The following RALGPS1 variants were observed in gnomAD, a reference collection of about 807,000 sequenced individuals.
RALGPS1 encodes ras-specific guanine nucleotide-releasing factor RalGPS1.
In RALGPS1, 19 loss-of-function variants were observed where a neutral mutation model predicts 78.8. The observed-to-expected ratio is 0.24, with a 90% CI of 0.17 to 0.35. The LOEUF is 0.35. Ranked by LOEUF, RALGPS1 falls within the 10% of genes least tolerant of loss-of-function variation. The probability of loss-of-function intolerance (pLI) is 1.00; values close to 1 mark genes in which losing one functional copy is unlikely to be tolerated. For synonymous variants in RALGPS1, 228 were observed against 256.3 expected (o/e 0.89, Z 1.06); for missense variants, 454 against 688.3 (o/e 0.66, Z 3.81).
chr9:127,153,233 A>AG (rs566705311), intron 8 of RALGPS1, among the ~76,000 whole-genome samples: 189 of 152,296 alleles, frequency 1.2e-3, no homozygotes, highest in Admixed American at 1.9e-3. Flanking sequence ...TAGCCAGGGC[A>AG]GGGGGAGAGC....
chr9:127,088,628 A>G (rs2052058916), intron 8 of RALGPS1: 1 of 415,530 alleles, frequency 2.4e-6, no homozygotes. Context: ...ACACATGTAT[A>G]TTATGAAGGT....
At chr9:127,115,548 G>A (rs1028368328) in intron 8 of RALGPS1, among the ~76,000 whole-genome samples, 3 of 152,192 alleles carry the variant, frequency 2.0e-5, no homozygotes, top group African/African-American at 4.8e-5. Flanking sequence ...AGGTTAGGTC[G>A]CTTGTTCAAG....
chr9:127,170,574 C>T (rs1458643854), intron 10 of RALGPS1, among the ~76,000 whole-genome samples: 1 of 152,088 alleles, frequency 6.6e-6, no homozygotes, highest in Non-Finnish European at 1.5e-5. Flanking sequence ...AAAAGAGTGC[C>T]CTGGAGTACA....
At chr9:127,123,709 A>G (rs180960563) in intron 8 of RALGPS1, among the ~76,000 whole-genome samples, 1 of 152,270 alleles carries the variant, frequency 6.6e-6, no homozygotes, top group East Asian at 1.9e-4. Context: ...AAGAAAGGAG[A>G]GGATGGCACT....
chr9:126,946,850 A>G (rs1366197182), intron 1 of RALGPS1, among the ~76,000 whole-genome samples: 2 of 152,006 alleles, frequency 1.3e-5, no homozygotes, highest in Non-Finnish European at 1.5e-5. Context: ...TCCTTTCCCT[A>G]TGGAAGAAAT....
At chr9:127,031,355 C>T (rs928734920) in intron 4 of RALGPS1, among the ~76,000 whole-genome samples, 3 of 152,224 alleles carry the variant, frequency 2.0e-5, no homozygotes, top group Non-Finnish European at 4.4e-5. Flanking sequence ...TGCGCCAAAG[C>T]GGTCAGGCCC....
chr9:126,949,754 T>G (rs1396139402), intron 1 of RALGPS1, among the ~76,000 whole-genome samples: 14 of 151,770 alleles, frequency 9.2e-5, no homozygotes, highest in Admixed American at 3.9e-4. Context: ...TTTCTCCCAT[T>G]TTGTAGGTTG....
intron 8 of RALGPS1, among the ~76,000 whole-genome samples, chr9:127,086,208 A>G (rs2051718303): frequency 6.6e-6 from 1 of 152,228 alleles, no homozygotes; most frequent in Non-Finnish European, 1.5e-5. Flanking sequence ...TTTACTAGAA[A>G]AAGCTATCAT....
chr9:127,144,414 C>T (rs1267095734), intron 8 of RALGPS1, among the ~76,000 whole-genome samples: 1 of 152,180 alleles, frequency 6.6e-6, no homozygotes, highest in African/African-American at 2.4e-5. Context: ...AAGTATTTAT[C>T]TTAATGTGAT....
chr9:127,107,770 C>T (rs2054361180), intron 8 of RALGPS1: 2 of 782,578 alleles, frequency 2.6e-6, no homozygotes, highest in South Asian at 3.1e-5. Context: ...TCCAGCAGCT[C>T]AGCCCAAGGG....
Position 127,195,308 on chromosome 9 carries a change from C to G in RALGPS1, c.1037+91C>G. ...GCAGGGAATCACTTGCTGGCTGGGT[C>G]CCTCCCCTGCCCTGTTCTGGGAGTT... is the stretch of plus-strand genomic sequence containing the variant. On this transcript the variant is annotated intron_variant, in intron 12 of 18. Coordinates refer to ENST00000259351, the MANE Select transcript of RALGPS1 (RefSeq NM_014636.3). 3 of 1,476,556 alleles carry G rather than the reference C, an allele frequency of 2.0e-6. No homozygotes were observed. The South Asian group carries it at 3.7e-5, about 18-fold the overall frequency. The allele number at this position is 1,476,556 out of a possible 1,614,324, so 91.5% of individuals were successfully genotyped here.
chr9:127,207,002 A>G (rs1398845186), intron 14 of RALGPS1, among the ~76,000 whole-genome samples: 1 of 152,122 alleles, frequency 6.6e-6, no homozygotes, highest in Non-Finnish European at 1.5e-5. Context: ...GGTGGGGATA[A>G]TAATAGTGCC....
chr9:127,146,985 C>T (rs2058132352), intron 8 of RALGPS1, among the ~76,000 whole-genome samples: 1 of 152,218 alleles, frequency 6.6e-6, no homozygotes, highest in Admixed American at 6.5e-5. Context: ...GACTAATTTA[C>T]ATTCCCACCA....
chr9:127,012,031 C>CAGGGCCCAATTGCAGGGTGTGG (rs1338021415), intron 4 of RALGPS1, among the ~76,000 whole-genome samples: 2 of 152,192 alleles, frequency 1.3e-5, no homozygotes, highest in Non-Finnish European at 2.9e-5. Context: ...GGCAGACAGT[C>CAGGGCCCAATTGCAGGGTGTGG]AGGGCCCAAT....
chr9:127,011,548 T>C (rs1171565266), intron 4 of RALGPS1, among the ~76,000 whole-genome samples: 1 of 152,178 alleles, frequency 6.6e-6, no homozygotes, highest in East Asian at 1.9e-4. Context: ...TTAGACAAAT[T>C]ATATGTCTAA....
In RALGPS1 at chr9:127,091,756, C is replaced by T. The variant is rs764497308; in HGVS notation, c.610+22400C>T. 15 of 1,614,134 alleles carry T rather than the reference C, an allele frequency of 9.3e-6. No homozygotes were observed. The highest frequency in any genetic ancestry group is 4.5e-5 in the East Asian group (2 of 44,890). ...GGAGTCACCCGCATTGCCATGGTAG[C>T]GCCCCAGCCGCAGCTTATAATACTC... is the stretch of plus-strand genomic sequence containing the variant. On this transcript the variant is annotated intron_variant, in intron 8 of 18. Transcript: ENST00000259351. This position sits in a 1 kb window ranked among gnomAD's most constrained non-coding sequence, Gnocchi z 4.3.
intron 8 of RALGPS1, among the ~76,000 whole-genome samples, chr9:127,160,718 G>A (rs955010846): frequency 6.6e-6 from 1 of 152,196 alleles, no homozygotes; most frequent in Non-Finnish European, 1.5e-5. Context: ...CCAGCCCCCA[G>A]CCTCCAGCCC....
intron 8 of RALGPS1, among the ~76,000 whole-genome samples, chr9:127,112,066 A>T (rs910091998): frequency 2.0e-5 from 3 of 152,174 alleles, no homozygotes; most frequent in Non-Finnish European, 4.4e-5. Context: ...GCAGTTACAA[A>T]AGAGACCCTG....
chr9:126,935,117 G>A (rs1418564786), intron 1 of RALGPS1, among the ~76,000 whole-genome samples: 1 of 152,140 alleles, frequency 6.6e-6, no homozygotes, highest in South Asian at 2.1e-4. Flanking sequence ...CAGCTCGCGG[G>A]AGCTCTCCTT....
Sources: allele counts gnomAD v4.1 joint callset (sites outside exome capture counted in the v4.1 genomes callset), GRCh38; gene constraint gnomAD v4.1.1; non-coding constraint Gnocchi (gnomAD v3.1); transcripts MANE v1.5; gene names NCBI Gene and HGNC (gene_info 2026-07-23, HGNC 2026-07-21).